FMN2: variants seen among roughly 807,000 people sequenced by gnomAD.
FMN2 encodes the protein formin-2.
In FMN2, 51 loss-of-function variants were observed where a neutral mutation model predicts 142.3. The ratio of observed to expected loss-of-function variants is 0.36; its 90% CI spans 0.29 to 0.45. The LOEUF is 0.45. FMN2 is among the 20% of genes least tolerant of loss of function. FMN2 has a pLI of 1.00. For synonymous variants in FMN2, 882 were observed against 869.8 expected (o/e 1.01, Z -0.25); for missense variants, 1,936 against 2,122.8 (o/e 0.91, Z 1.73).
At chr1:240,222,247 C>T (rs1044615240) in intron 6 of FMN2, among the ~76,000 whole-genome samples, 1 of 151,994 alleles carries the variant, frequency 6.6e-6, no homozygotes, top group East Asian at 1.9e-4. Flanking sequence ...TAAATAGGGA[C>T]TCCTTTCCCC....
intron 2 of FMN2, among the ~76,000 whole-genome samples, chr1:240,141,075 C>T (rs1431341987): frequency 6.6e-6 from 1 of 152,186 alleles, no homozygotes; most frequent in Non-Finnish European, 1.5e-5. Flanking sequence ...TAACTTTCCT[C>T]ATACTATTGG....
At chr1:240,185,933 T>A (rs1665427976) in intron 3 of FMN2, among the ~76,000 whole-genome samples, 1 of 152,238 alleles carries the variant, frequency 6.6e-6, no homozygotes, top group Non-Finnish European at 1.5e-5. Flanking sequence ...CTGTTAAAGA[T>A]CTTTATTAAA....
intron 8 of FMN2, among the ~76,000 whole-genome samples, chr1:240,301,477 C>T (rs1171681892): frequency 2.0e-5 from 3 of 151,842 alleles, no homozygotes; most frequent in Non-Finnish European, 4.4e-5. Context: ...CCAAGTTTCC[C>T]TCCAGTATCA....
At chr1:240,415,985 A>C (rs1674564156) in intron 15 of FMN2, among the ~76,000 whole-genome samples, 1 of 151,998 alleles carries the variant, frequency 6.6e-6, no homozygotes, top group African/African-American at 2.4e-5. Flanking sequence ...TTTCTGTCTC[A>C]ATTTTCCTGC....
intron 13 of FMN2, among the ~76,000 whole-genome samples, chr1:240,345,494 A>G (rs1361662243): frequency 6.6e-6 from 1 of 152,124 alleles, no homozygotes; most frequent in Non-Finnish European, 1.5e-5. Flanking sequence ...TTTTTGAGAC[A>G]GAGTCTTGCT....
chr1:240,460,026 C>A (rs576023760), intron 16 of FMN2, among the ~76,000 whole-genome samples: 5 of 152,232 alleles, frequency 3.3e-5, no homozygotes, highest in South Asian at 4.1e-4. Context: ...TTTAGACAAT[C>A]GTGTCAAAAA....
intron 6 of FMN2, among the ~76,000 whole-genome samples, chr1:240,255,441 G>T (rs138853864): frequency 6.6e-6 from 1 of 152,228 alleles, no homozygotes; most frequent in Non-Finnish European, 1.5e-5. Context: ...AGAACCACTG[G>T]ACTAGAGTTT....
intron 6 of FMN2, among the ~76,000 whole-genome samples, chr1:240,250,219 C>T (rs1668233016): frequency 6.6e-6 from 1 of 152,058 alleles, no homozygotes; most frequent in Admixed American, 6.5e-5. Context: ...ATGATGTTAG[C>T]TGTGGGTTTG....
At position 240,134,420 on chromosome 1, in the gene FMN2, A is replaced by G. The variant is rs549494249; in HGVS notation, c.1782+11075A>G. Among the ~76,000 whole-genome samples the G allele has an allele frequency of 1.3e-4, 20 of 152,168 alleles. No homozygotes were observed. In the East Asian group the frequency reaches 3.1e-3, roughly 24 times the overall value. On this transcript the variant is annotated intron_variant, in intron 2 of 17. Transcript: ENST00000319653. ...AGGAGGATCGCTTGAGCCCAGGAGTATGAGACCAGCCTGGGCCATATAGGG... is the reference window on the plus strand; with the variant it reads ...AGGAGGATCGCTTGAGCCCAGGAGTGTGAGACCAGCCTGGGCCATATAGGG...
chr1:240,302,960 T>C (rs2102975551), intron 8 of FMN2, among the ~76,000 whole-genome samples: 1 of 152,242 alleles, frequency 6.6e-6, no homozygotes, highest in Admixed American at 6.5e-5. Flanking sequence ...AAAATAGGGT[T>C]ATATTACCAT....
intron 3 of FMN2, 74 bp from the exon 4 acceptor site, chr1:240,188,133 G>T: frequency 2.8e-6 from 4 of 1,450,646 alleles, no homozygotes; most frequent in Non-Finnish European, 2.9e-6. Flanking sequence ...TTTAGTGAAA[G>T]TTTTATTTTC....
At chr1:240,376,318 A>G (rs1419241057) in intron 14 of FMN2, among the ~76,000 whole-genome samples, 2 of 152,136 alleles carry the variant, frequency 1.3e-5, no homozygotes, top group Non-Finnish European at 2.9e-5. Context: ...GAACATTTAC[A>G]TTTAATGTAG....
chr1:240,474,178 G>A lies in FMN2; in HGVS notation c.*24G>A, dbSNP rs918731357. ...GAACAATGAAAAGCAGAATGAAAATGAGTCATTGCAACGACTTTCACAAAA... is the reference window on the plus strand; with the variant it reads ...GAACAATGAAAAGCAGAATGAAAATAAGTCATTGCAACGACTTTCACAAAA... On this transcript the variant is annotated 3_prime_UTR_variant, in exon 18 of 18. Coordinates refer to ENST00000319653, the MANE Select transcript of FMN2 (RefSeq NM_020066.5). 6 of 1,540,884 alleles carry A rather than the reference G, an allele frequency of 3.9e-6. No individual in the cohort carries two copies. Among genetic ancestry groups the A allele is most frequent in the Non-Finnish European group, 5.2e-6 (6 of 1,152,662 alleles).
intron 14 of FMN2, among the ~76,000 whole-genome samples, chr1:240,385,672 T>C (rs899570484): frequency 6.6e-6 from 1 of 152,158 alleles, no homozygotes. Context: ...AAAACGAAGA[T>C]TTGGAGAGGA....
chr1:240,287,965 C>G (rs1652996106), intron 7 of FMN2, among the ~76,000 whole-genome samples: 1 of 152,082 alleles, frequency 6.6e-6, no homozygotes, highest in African/African-American at 2.4e-5. Context: ...TCTTTGTGTT[C>G]TGTATTTTTG....
At chr1:240,390,732 T>C (rs923874264) in intron 14 of FMN2, among the ~76,000 whole-genome samples, 2 of 152,256 alleles carry the variant, frequency 1.3e-5, no homozygotes, top group African/African-American at 2.4e-5. Context: ...TGAATCTGCC[T>C]AAAGTCACAG....
intron 2 of FMN2, among the ~76,000 whole-genome samples, chr1:240,167,550 A>G (rs2103303643): frequency 6.6e-6 from 1 of 152,228 alleles, no homozygotes; most frequent in African/African-American, 2.4e-5. Flanking sequence ...GTCATTTTAC[A>G]TTTCCATTTT....
chr1:240,398,472 C>T (rs537776626), intron 15 of FMN2, among the ~76,000 whole-genome samples: 4 of 152,180 alleles, frequency 2.6e-5, no homozygotes, highest in African/African-American at 9.6e-5. Flanking sequence ...CAGTGAGTTG[C>T]ATGAAAAAAT....
chr1:240,312,698 G>GATCAGATGT (rs1320602745), intron 8 of FMN2, among the ~76,000 whole-genome samples: 1 of 152,142 alleles, frequency 6.6e-6, no homozygotes, highest in African/African-American at 2.4e-5. Context: ...GTAATTCTGT[G>GATCAGATGT]ATCAGATGTT....
Sources: allele counts gnomAD v4.1 joint callset (sites outside exome capture counted in the v4.1 genomes callset), GRCh38; gene constraint gnomAD v4.1.1; transcripts MANE v1.5; gene names NCBI Gene and HGNC (gene_info 2026-07-23, HGNC 2026-07-21).